TAS1R2: variants seen among roughly 807,000 people sequenced by gnomAD.
The protein encoded by TAS1R2 is taste 1 receptor member 2, also known as taste receptor type 1 member 2.
In TAS1R2, 47 loss-of-function variants were observed where a neutral mutation model predicts 49.3. The ratio of observed to expected loss-of-function variants is 0.95; its 90% CI spans 0.75 to 1.22. TAS1R2 has a LOEUF of 1.22. Among genes scored for constraint, TAS1R2 ranks in the 50% most tolerant of loss-of-function variants. The pLI is 0.00. For missense variants in TAS1R2, 1,155 were observed against 1,122.1 expected, an observed-to-expected ratio of 1.03 and a Z score of -0.42; for synonymous variants, 479 against 467.9, an observed-to-expected ratio of 1.02 and a Z score of -0.31.
chr1:18,839,951 T>C, exon 6 of TAS1R2: 1 of 1,613,772 alleles, frequency 6.2e-7, no homozygotes, highest in Non-Finnish European at 8.5e-7. Flanking sequence ...GTTGCGGTAG[T>C]TGGGGTTACA....
At chr1:18,844,684 G>C (rs922640156) in intron 4 of TAS1R2, among the ~76,000 whole-genome samples, 3 of 152,144 alleles carry the variant, frequency 2.0e-5, no homozygotes, top group African/African-American at 7.2e-5. Flanking sequence ...ATCCCTGGGG[G>C]CGGAGGTTGC....
At chr1:18,848,883 T>C (rs1404491064) in intron 4 of TAS1R2, among the ~76,000 whole-genome samples, 1 of 152,206 alleles carries the variant, frequency 6.6e-6, no homozygotes, top group Non-Finnish European at 1.5e-5. Flanking sequence ...GATTATTTCA[T>C]TATATATTAC....
intron 3 of TAS1R2, among the ~76,000 whole-genome samples, chr1:18,850,260 T>C (rs1164926988): frequency 6.6e-6 from 1 of 152,236 alleles, no homozygotes; most frequent in Non-Finnish European, 1.5e-5. Flanking sequence ...TTCTGAACCT[T>C]GCTGGGCTAA....
At chr1:18,849,100 T>A (rs1158433745) in intron 4 of TAS1R2, among the ~76,000 whole-genome samples, 1 of 152,016 alleles carries the variant, frequency 6.6e-6, no homozygotes, top group South Asian at 2.1e-4. Context: ...AAAGTGAACG[T>A]TTACCTTGCA....
intron 2 of TAS1R2, among the ~76,000 whole-genome samples, chr1:18,856,112 T>C (rs912648372): frequency 6.6e-6 from 1 of 152,130 alleles, no homozygotes; most frequent in African/African-American, 2.4e-5. Context: ...GAAAAGCCAG[T>C]CCTTGAATGG....
rs766185754 is a variant in TAS1R2 at position 18,857,646 on chromosome 1, G to A, written c.183-15C>T. The A allele has an allele frequency of 4.4e-6, 7 of 1,604,846 alleles. No individual in the cohort carries two copies. The South Asian group carries it at 5.5e-5, about 13-fold the overall frequency. ...TCACTTCATACCTGGAGGGGCCACA[G>A]CATCATGAGGTGGAAGCAGATCCAG... On this transcript the variant is annotated splice_polypyrimidine_tract_variant and intron_variant, in intron 1 of 5. Coordinates refer to ENST00000375371, the Ensembl canonical transcript of TAS1R2.
rs144118547 is a variant in TAS1R2 at position 18,854,400 on chromosome 1, T to A, written c.1070A>T (p.Tyr357Phe). 1.9e-6 allele frequency: 3 copies of A among 1,613,864 alleles called. No individual in the cohort carries two copies. The highest frequency in any genetic ancestry group is 2.5e-6 in the Non-Finnish European group (3 of 1,179,950). ...GTTGTCGCACTCCTGGTTGCAGGTATAGCTCTGGCTGGTCCTGCTGAGGGG... is the reference window on the plus strand; with the variant it reads ...GTTGTCGCACTCCTGGTTGCAGGTAAAGCTCTGGCTGGTCCTGCTGAGGGG... Residue 357 changes from tyrosine to phenylalanine, a missense_variant, in exon 3 of 6, where the codon TAT becomes TTT. Transcript: ENST00000375371. The surrounding 1 kb of genome is among the most constrained non-coding windows in gnomAD (Gnocchi z 4.9).
chr1:18,856,180 TCTC>T (rs1934134651), intron 2 of TAS1R2, among the ~76,000 whole-genome samples: 1 of 152,140 alleles, frequency 6.6e-6, no homozygotes, highest in African/African-American at 2.4e-5. Context: ...TTCATCTCCT[TCTC>T]CTCTCCCTCT....
At chr1:18,855,575 C>G (rs536444949) in intron 2 of TAS1R2, among the ~76,000 whole-genome samples, 8 of 152,310 alleles carry the variant, frequency 5.3e-5, no homozygotes, top group African/African-American at 1.4e-4. Flanking sequence ...CTGCTCTCCC[C>G]CTCCCTTGGT....
intron 4 of TAS1R2, among the ~76,000 whole-genome samples, chr1:18,843,689 G>A (rs899000039): frequency 6.6e-6 from 1 of 152,192 alleles, no homozygotes; most frequent in Admixed American, 6.5e-5. Context: ...GAATGGGCAA[G>A]CCCAAAGAGA....
At chr1:18,843,359 T>C (rs777827461) in intron 4 of TAS1R2, among the ~76,000 whole-genome samples, 1 of 152,162 alleles carries the variant, frequency 6.6e-6, no homozygotes, top group Non-Finnish European at 1.5e-5. Context: ...ATTGGTGATG[T>C]TTTTAGGAGG....
In TAS1R2 at chr1:18,854,386, C is replaced by A. The variant is rs774201728; in HGVS notation, c.1084G>T (p.Glu362Ter). 6.2e-7 allele frequency: 1 copy of A among 1,613,946 alleles called. No individual in the cohort carries two copies. Among genetic ancestry groups the A allele is most frequent in the Admixed American group, 1.7e-5 (1 of 59,990 alleles). Residue 362 changes from glutamate to a stop codon, truncating the protein, a stop_gained, in exon 3 of 6, where the codon GAG becomes TAG. Transcript: ENST00000375371. LOFTEE classifies it high-confidence loss of function. This position sits in a 1 kb window ranked among gnomAD's most constrained non-coding sequence, Gnocchi z 4.9. The stretch of plus-strand genomic sequence containing the variant: ...GTGGCGTTCAGGCAGTTGTCGCACT[C>A]CTGGTTGCAGGTATAGCTCTGGCTG...
chr1:18,857,668 C>T (rs1934164218), intron 1 of TAS1R2, 37 bp from the exon 2 acceptor site: 1 of 1,590,684 alleles, frequency 6.3e-7, no homozygotes, highest in Non-Finnish European at 8.6e-7. Context: ...GGAAGCAGAT[C>T]CAGAATGAGG....
rs199971635 is a variant in TAS1R2, at chr1:18,854,322, C to T, written c.1148G>A (p.Arg383His). 7.8e-5 allele frequency: 126 copies of T among 1,613,892 alleles called. No individual in the cohort carries two copies. The highest frequency in any genetic ancestry group is 1.0e-4 in the Non-Finnish European group (121 of 1,179,946). ...CGCAGAGTACACGCTGTAGACGACACGCTCCCCAGAGAGCCTGAGAATGGT... is the reference window on the plus strand; with the variant it reads ...CGCAGAGTACACGCTGTAGACGACATGCTCCCCAGAGAGCCTGAGAATGGT... Residue 383 changes from arginine to histidine, a missense_variant, in exon 3 of 6, where the codon CGT becomes CAT. By Grantham distance (29) the Arg-to-His change is conservative. Transcript: ENST00000375371. This position sits in a 1 kb window ranked among gnomAD's most constrained non-coding sequence, Gnocchi z 4.9.
intron 4 of TAS1R2, among the ~76,000 whole-genome samples, chr1:18,847,503 G>A (rs1484665262): frequency 1.3e-5 from 2 of 152,096 alleles, no homozygotes; most frequent in Admixed American, 1.3e-4. Flanking sequence ...TGCAACTGGG[G>A]ATAGAGTGCT....
Position 18,849,375 on chromosome 1 carries a change from A to C in TAS1R2, c.1433T>G (p.Ile478Ser), listed in dbSNP as rs747883653. 3.1e-6 allele frequency: 5 copies of C among 1,613,894 alleles called. No individual in the cohort carries two copies. The African/African-American group carries it at 5.3e-5, about 17-fold the overall frequency. The change falls in exon 4 of 6, where the codon ATC (isoleucine) becomes AGC (serine). Residue 478 changes from isoleucine to serine, a missense_variant. Coordinates refer to ENST00000375371, the Ensembl canonical transcript of TAS1R2. ...GATGGTGTGCCAGGAGATGTCTTGG[A>C]TGTTCTTCAGCTGTCGCTGCAGGGG... is the stretch of plus-strand genomic sequence containing the variant.
intron 3 of TAS1R2, among the ~76,000 whole-genome samples, chr1:18,853,611 G>A (rs184961140): frequency 6.6e-6 from 1 of 152,322 alleles, no homozygotes. Context: ...ATAGCAGGGT[G>A]GGAGGCTGGC....
At chr1:18,858,747 A>G (rs1034702237) in intron 1 of TAS1R2, among the ~76,000 whole-genome samples, 1 of 152,212 alleles carries the variant, frequency 6.6e-6, no homozygotes, top group Non-Finnish European at 1.5e-5. Context: ...AAAACCCAGC[A>G]TCATGCCTGG....
intron 5 of TAS1R2, among the ~76,000 whole-genome samples, chr1:18,840,985 C>T (rs760412652): frequency 3.9e-5 from 6 of 152,290 alleles, no homozygotes; most frequent in South Asian, 2.1e-4. Context: ...CTCACCTCGC[C>T]GCTATTGACT....
Sources: gnomAD v4.1 joint callset for allele counts (sites outside exome capture counted in the v4.1 genomes callset) on GRCh38, gnomAD v4.1.1 for gene constraint, Gnocchi (gnomAD v3.1) non-coding constraint, MANE v1.5 for transcripts, NCBI Gene and HGNC (gene_info 2026-07-23, HGNC 2026-07-21) for gene names.